The following KCNIP4 variants were observed in gnomAD, a reference collection of about 807,000 sequenced individuals.
KCNIP4 encodes Kv channel-interacting protein 4.
KCNIP4 carries 12 observed loss-of-function variants against 34.0 expected under a neutral mutation model. The observed-to-expected ratio is 0.35, with a 90% confidence interval of 0.23 to 0.57. The LOEUF is 0.57. Among genes scored for constraint, KCNIP4 ranks in the 20% least tolerant of loss-of-function variants. The pLI is 0.83. For synonymous variants in KCNIP4, 124 were observed against 102.2 expected, an observed-to-expected ratio of 1.21 and a Z score of -1.29; for missense variants, 238 against 311.7, an observed-to-expected ratio of 0.76 and a Z score of 1.78.
At chr4:21,546,364 A>G (rs1738152315) in intron 1 of KCNIP4, among the ~76,000 whole-genome samples, 1 of 152,096 alleles carries the variant, frequency 6.6e-6, no homozygotes. Flanking sequence ...AAAAGCAAAA[A>G]GTTGACTCTT....
chr4:21,071,827 G>A (rs1207346107), intron 1 of KCNIP4, among the ~76,000 whole-genome samples: 1 of 152,024 alleles, frequency 6.6e-6, no homozygotes, highest in Non-Finnish European at 1.5e-5. Flanking sequence ...GGTGTGTGAT[G>A]TTCCCCTTCC....
chr4:20,868,060 C>T (rs1723052647), intron 2 of KCNIP4, among the ~76,000 whole-genome samples: 1 of 151,724 alleles, frequency 6.6e-6, no homozygotes. Context: ...CAACAGGTAA[C>T]CTACAGAATG....
rs116122293 is a variant in KCNIP4, at chr4:21,772,304, G to A, written c.61+176267C>T. Among the ~76,000 whole-genome samples, 1,336 of 152,198 alleles carry A rather than the reference G, an allele frequency of 8.8e-3. 19 individuals are homozygous for A. Among genetic ancestry groups the A allele is most frequent in the South Asian group, 0.039 (186 of 4,826 alleles). ...GATTGTGGTGGATAAGTTTTTTGAC[G>A]TGCTGCTGGATTTAGTTTGCCAGTA... On this transcript the variant is annotated intron_variant, in intron 1 of 8. Coordinates refer to ENST00000382152, the MANE Select transcript of KCNIP4 (RefSeq NM_025221.6).
At chr4:21,361,270 T>C (rs998956011) in intron 1 of KCNIP4, among the ~76,000 whole-genome samples, 2 of 152,060 alleles carry the variant, frequency 1.3e-5, no homozygotes, top group Non-Finnish European at 1.5e-5. Flanking sequence ...TCTCCATCTA[T>C]AAAATGATGA....
At chr4:21,226,336 G>GGAAGGAAGA (rs1269443274) in intron 1 of KCNIP4, among the ~76,000 whole-genome samples, 4 of 95,518 alleles carry the variant, frequency 4.2e-5, no homozygotes, top group African/African-American at 2.0e-4. Context: ...GGGAAGGAAG[G>GGAAGGAAGA]GAAGGAAGAG....
At chr4:21,920,841 G>A (rs1440591823) in intron 1 of KCNIP4, among the ~76,000 whole-genome samples, 1 of 149,544 alleles carries the variant, frequency 6.7e-6, no homozygotes, top group Admixed American at 6.6e-5. Context: ...ACTTAAAATT[G>A]AAAACCTGTT....
intron 1 of KCNIP4, among the ~76,000 whole-genome samples, chr4:21,439,086 T>C (rs1355058771): frequency 2.1e-5 from 3 of 144,716 alleles, no homozygotes; most frequent in African/African-American, 5.2e-5. Context: ...GGCGTGAACC[T>C]GGGAGGCGGA....
At chr4:21,406,958 A>C (rs1447527713) in intron 1 of KCNIP4, among the ~76,000 whole-genome samples, 2 of 152,172 alleles carry the variant, frequency 1.3e-5, no homozygotes, top group East Asian at 3.9e-4. Flanking sequence ...GATATCATAG[A>C]ACAAAAACTT....
At chr4:21,918,707 T>A (rs925022998) in intron 1 of KCNIP4, among the ~76,000 whole-genome samples, 1 of 152,180 alleles carries the variant, frequency 6.6e-6, no homozygotes, top group Non-Finnish European at 1.5e-5. Flanking sequence ...GAGAGGCCAT[T>A]CAGCTAAAAA....
At chr4:21,014,970 G>T (rs1323893854) in intron 1 of KCNIP4, among the ~76,000 whole-genome samples, 3 of 152,188 alleles carry the variant, frequency 2.0e-5, no homozygotes, top group Non-Finnish European at 4.4e-5. Context: ...CTATGGCATT[G>T]ATGAACCTTG....
intron 1 of KCNIP4, among the ~76,000 whole-genome samples, chr4:21,281,402 C>T (rs1390296515): frequency 2.0e-5 from 3 of 152,046 alleles, no homozygotes; most frequent in Admixed American, 2.0e-4. Flanking sequence ...AACAGCTACT[C>T]CTATGGATGC....
chr4:21,333,887 C>G (rs569153037), intron 1 of KCNIP4, among the ~76,000 whole-genome samples: 18 of 152,148 alleles, frequency 1.2e-4, no homozygotes, highest in Admixed American at 9.2e-4. Context: ...TCTTTAATAA[C>G]TCGGTGCAAA....
intron 3 of KCNIP4, among the ~76,000 whole-genome samples, chr4:20,845,777 G>T (rs1720293384): frequency 6.6e-6 from 1 of 152,112 alleles, no homozygotes; most frequent in Non-Finnish European, 1.5e-5. Flanking sequence ...GGGCTGCGTG[G>T]CCCTACATTG....
chr4:21,817,340 G>A (rs1480444031), intron 1 of KCNIP4, among the ~76,000 whole-genome samples: 1 of 152,178 alleles, frequency 6.6e-6, no homozygotes, highest in Non-Finnish European at 1.5e-5. Flanking sequence ...TTCACAAGCT[G>A]AGGATATACG....
intron 1 of KCNIP4, among the ~76,000 whole-genome samples, chr4:21,875,403 T>C (rs553794479): frequency 1.3e-5 from 2 of 152,316 alleles, no homozygotes; most frequent in East Asian, 3.9e-4. Flanking sequence ...GAAATAAGTA[T>C]TTCTGTGGTT....
chr4:20,765,252 C>CT (rs1755295395), intron 3 of KCNIP4, among the ~76,000 whole-genome samples: 1 of 152,146 alleles, frequency 6.6e-6, no homozygotes, highest in African/African-American at 2.4e-5. Flanking sequence ...GCAATGCTAT[C>CT]TTGCCTTCTG....
At chr4:20,916,416 C>A in intron 1 of KCNIP4, 1 of 850,174 alleles carries the variant, frequency 1.2e-6, no homozygotes, top group African/African-American at 1.8e-5. Context: ...GCTTTATGCA[C>A]TAATAGAAAA....
chr4:20,938,102 CAG>C (rs1468789326), intron 1 of KCNIP4, among the ~76,000 whole-genome samples: 1 of 151,926 alleles, frequency 6.6e-6, no homozygotes, highest in Non-Finnish European at 1.5e-5. Flanking sequence ...TTCAAAGAGA[CAG>C]AGCTAATGAA....
chr4:21,300,339 A>G (rs1485461753), intron 1 of KCNIP4, among the ~76,000 whole-genome samples: 2 of 152,170 alleles, frequency 1.3e-5, no homozygotes, highest in East Asian at 3.9e-4. Context: ...CCAAACCAGC[A>G]TAATTCTGGA....
Sources: gnomAD v4.1 joint callset for allele counts (sites outside exome capture counted in the v4.1 genomes callset) on GRCh38, gnomAD v4.1.1 for gene constraint, MANE v1.5 for transcripts, NCBI Gene and HGNC (gene_info 2026-07-23, HGNC 2026-07-21) for gene names.